RBM26: variants seen among roughly 807,000 people sequenced by gnomAD.
RBM26 encodes the protein RNA-binding protein 26.
A neutral mutation model predicts 123.6 loss-of-function variants in RBM26; 30 were observed. That is an observed-to-expected ratio of 0.24 (90% CI 0.18 to 0.33). The LOEUF (loss-of-function observed/expected upper bound fraction) is 0.33, where lower values mean the gene tolerates loss of function less well. RBM26 is among the 10% of genes least tolerant of loss of function. RBM26 has a pLI of 1.00. For synonymous variants in RBM26, 400 were observed against 404.4 expected (o/e 0.99, Z 0.13); for missense variants, 947 against 1,203.6 (o/e 0.79, Z 3.15).
chr13:79,337,250 C>G lies in RBM26; in HGVS notation c.2585G>C (p.Arg862Thr). The change falls in exon 19 of 22, where the codon AGA becomes ACA. Residue 862 changes from arginine to threonine, a missense_variant. Coordinates refer to ENST00000438737, the MANE Select transcript of RBM26 (RefSeq NM_001366735.2). ...TCGGCCATGAACTGCACCTCGACCT[C>G]TTGAATGAATTCCTCTGCCCCGACC... ...SSGRGRGIHS[R>T]GRGAVHGRGR... 6.2e-7 allele frequency: 1 copy of G among 1,614,164 alleles called. No homozygotes were observed. Among genetic ancestry groups the G allele is most frequent in the African/African-American group, 1.3e-5 (1 of 75,060 alleles).
At chr13:79,328,541 G>A (rs1339933962) in intron 20 of RBM26, among the ~76,000 whole-genome samples, 1 of 151,166 alleles carries the variant, frequency 6.6e-6, no homozygotes, top group Non-Finnish European at 1.5e-5. Flanking sequence ...TCTTATCTCA[G>A]ATTGGTGAAA....
chr13:79,373,683 A>G (rs1172660787), intron 3 of RBM26, among the ~76,000 whole-genome samples: 2 of 50,024 alleles, frequency 4.0e-5, no homozygotes, highest in Non-Finnish European at 7.0e-5. Context: ...ATTACTATAT[A>G]TAATAATATA....
intron 20 of RBM26, among the ~76,000 whole-genome samples, chr13:79,326,498 A>C (rs1309140626): frequency 2.0e-5 from 3 of 152,270 alleles, no homozygotes; most frequent in African/African-American, 7.2e-5. Flanking sequence ...GATGAAGATA[A>C]AATTTGCTTC....
intron 3 of RBM26, among the ~76,000 whole-genome samples, chr13:79,375,081 T>TATATAAATGTATATTTATATATC (rs1555332771): frequency 1.9e-5 from 2 of 104,366 alleles, no homozygotes; most frequent in Non-Finnish European, 4.2e-5. Context: ...TTATATGATA[T>TATATAAATGTATATTTATATATC]ATATAAATAT....
intron 1 of RBM26, among the ~76,000 whole-genome samples, chr13:79,398,206 G>A (rs939728466): frequency 6.6e-6 from 1 of 152,140 alleles, no homozygotes; most frequent in Non-Finnish European, 1.5e-5. Flanking sequence ...GAAGCAAGAA[G>A]AGGGAAAAAA....
At chr13:79,313,015 A>T (rs918634799) in exon 5 of RBM26, 3 of 151,922 alleles carry the variant, frequency 2.0e-5, no homozygotes, top group African/African-American at 7.2e-5. Context: ...TATAAACTCT[A>T]TTAAAAAAAC....
In RBM26 at chr13:79,320,692, C is replaced by T; in HGVS notation, c.2953G>A (p.Val985Met). Residue 985 changes from valine to methionine, a missense_variant, in exon 22 of 22, where the codon GTG becomes ATG. Coordinates refer to ENST00000438737, the MANE Select transcript of RBM26 (RefSeq NM_001366735.2). ...TCATCTTGAAGTAATGAGTCATCCA[C>T]CAAAGACTCTTCCTGAAACTTTAGG... ...DEEEFQEESLVDDSLLQDDDE... is the reference protein window; with the variant it reads ...DEEEFQEESLMDDSLLQDDDE... The T allele has an allele frequency of 1.3e-6, 2 of 1,584,278 alleles. No individual in the cohort carries two copies. Among genetic ancestry groups the T allele is most frequent in the Non-Finnish European group, 8.6e-7 (1 of 1,167,800 alleles).
chr13:79,367,339 A>C (rs921367440), intron 6 of RBM26, among the ~76,000 whole-genome samples: 1 of 144,340 alleles, frequency 6.9e-6, no homozygotes, highest in Non-Finnish European at 1.5e-5. Context: ...CCCGGGAGGC[A>C]GTGGTTGCAC....
chr13:79,374,197 A>G (rs1244588000), intron 3 of RBM26, among the ~76,000 whole-genome samples: 1 of 152,152 alleles, frequency 6.6e-6, no homozygotes, highest in Non-Finnish European at 1.5e-5. Context: ...TGCTGGGCAC[A>G]GTGGCTCACA....
At chr13:79,341,289 TTTTTAAAGTAAC>T in intron 17 of RBM26, 62 bp from the exon 18 acceptor site, 1 of 1,062,842 alleles carries the variant, frequency 9.4e-7, no homozygotes, top group South Asian at 1.5e-5. Flanking sequence ...GATACAAACC[TTTTTAAAGTAAC>T]TTTTACGCAG....
rs532564959 is a variant in RBM26 at position 79,345,544 on chromosome 13, C to T, written c.2059-750G>A. 2.6e-5 allele frequency among the ~76,000 whole-genome samples: 4 copies of T among 152,128 alleles called. No homozygotes were observed. The South Asian group carries it at 6.2e-4, about 24-fold the overall frequency. On this transcript the variant is annotated intron_variant, in intron 14 of 21. Coordinates refer to ENST00000438737, the MANE Select transcript of RBM26 (RefSeq NM_001366735.2). ...CATAAAGACTTGCCTTTCTCTTCTG[C>T]GCATCTTCCAGTACCTAAGTCTTGC...
intron 1 of RBM26, among the ~76,000 whole-genome samples, chr13:79,386,591 T>TA (rs398023598): frequency 0.041 from 3,829 of 92,796 alleles, 143 homozygotes; most frequent in African/African-American, 0.087. Flanking sequence ...ACTCTCTCTT[T>TA]AAAAAAAAAA....
chr13:79,365,626 G>A lies in RBM26; in HGVS notation c.1369C>T (p.Pro457Ser), dbSNP rs762346836. 6.8e-6 allele frequency: 11 copies of A among 1,613,760 alleles called. No homozygotes were observed. The highest frequency in any genetic ancestry group is 9.3e-6 in the Non-Finnish European group (11 of 1,179,776). The change falls in exon 9 of 22, where the codon CCC becomes TCC. Residue 457 changes from proline to serine, a missense_variant. Pro to Ser is a moderately conservative substitution (Grantham distance 74). This residue lies in a region of RBM26 where 493 missense variants were observed against 563.1 expected (regional missense o/e 0.88). Coordinates refer to ENST00000438737, the MANE Select transcript of RBM26 (RefSeq NM_001366735.2). The stretch of plus-strand genomic sequence containing the variant: ...CCTGATGTTAGTCCTATCAAGTTGG[G>A]CCTTTGTGCATGCACTCTGTGTCTA... ...MYRHRVHAQR[P>S]NLIGLTSGDM...
At chr13:79,315,113 G>A (rs572296157), downstream of RBM26, 1 of 499,472 alleles carries the variant, frequency 2.0e-6, no homozygotes, top group East Asian at 7.1e-5. Context: ...ATTTGAGAAA[G>A]AAATCAAAAT....
At chr13:79,365,534 T>C (rs375565920) in intron 9 of RBM26, 44 bp downstream of exon 9, 3 of 1,510,566 alleles carry the variant, frequency 2.0e-6, no homozygotes, top group Non-Finnish European at 2.7e-6. Flanking sequence ...TTTCCCACTG[T>C]TTATATTATG....
intron 20 of RBM26, among the ~76,000 whole-genome samples, chr13:79,334,063 C>T (rs529362342): frequency 1.3e-5 from 2 of 152,156 alleles, no homozygotes; most frequent in Admixed American, 1.3e-4. Context: ...GCCCTATCTA[C>T]TATGAAAAAG....
At chr13:79,355,711 C>T (rs2073894888) in intron 11 of RBM26, among the ~76,000 whole-genome samples, 1 of 152,140 alleles carries the variant, frequency 6.6e-6, no homozygotes. Context: ...CAATAAATGA[C>T]ATGGCAAAGA....
chr13:79,373,670 T>C (rs1208993395), intron 3 of RBM26, among the ~76,000 whole-genome samples: 7 of 88,336 alleles, frequency 7.9e-5, no homozygotes, highest in Non-Finnish European at 1.3e-4. Flanking sequence ...TTATATATTA[T>C]ATATTACTAT....
intron 1 of RBM26, among the ~76,000 whole-genome samples, chr13:79,392,077 A>C (rs1393261750): frequency 7.3e-6 from 1 of 136,386 alleles, no homozygotes; most frequent in African/African-American, 2.8e-5. Context: ...TTATACAATA[A>C]TACATAATTA....
Sources: allele counts gnomAD v4.1 joint callset (sites outside exome capture counted in the v4.1 genomes callset), GRCh38; gene constraint gnomAD v4.1.1; regional missense constraint gnomAD v4.1.1; transcripts MANE v1.5; gene names NCBI Gene and HGNC (gene_info 2026-07-23, HGNC 2026-07-21).